TRHDE: variants seen among roughly 807,000 people sequenced by gnomAD.
The protein encoded by TRHDE is thyrotropin-releasing hormone-degrading ectoenzyme.
Under a neutral mutation model 125.7 loss-of-function variants are expected in TRHDE, and 72 were observed. That is an observed-to-expected ratio of 0.57 (90% confidence interval 0.47 to 0.70). The LOEUF (loss-of-function observed/expected upper bound fraction) is 0.70. Ranked by LOEUF, TRHDE falls within the 30% of genes least tolerant of loss-of-function variation. The pLI is 0.00. For synonymous variants in TRHDE, 509 were observed against 509.1 expected, an observed-to-expected ratio of 1.00 and a Z score of 0.00; for missense variants, 1,110 against 1,327.1, an observed-to-expected ratio of 0.84 and a Z score of 2.54.
At chr12:72,490,845 A>T (rs1877641575) in intron 5 of TRHDE, among the ~76,000 whole-genome samples, 1 of 151,454 alleles carries the variant, frequency 6.6e-6, no homozygotes. Context: ...AAATGGGAAG[A>T]TGTAGTTAAG....
At chr12:72,371,739 G>A (rs999596508) in intron 2 of TRHDE, among the ~76,000 whole-genome samples, 8 of 151,872 alleles carry the variant, frequency 5.3e-5, no homozygotes, top group East Asian at 1.9e-4. Flanking sequence ...TTTTATGGCC[G>A]CATAGTATTC....
At chr12:72,637,150 G>A (rs1301990407) in intron 15 of TRHDE, among the ~76,000 whole-genome samples, 2 of 152,028 alleles carry the variant, frequency 1.3e-5, no homozygotes. Context: ...TTTTTGGTTG[G>A]TAAGCTATTG....
At chr12:72,617,793 T>G (rs187700635) in intron 12 of TRHDE, among the ~76,000 whole-genome samples, 6 of 152,300 alleles carry the variant, frequency 3.9e-5, no homozygotes, top group Non-Finnish European at 5.9e-5. Flanking sequence ...TTGCTGCACA[T>G]GCAGTGAAAA....
At chr12:72,478,511 G>A (rs1030659599) in intron 5 of TRHDE, among the ~76,000 whole-genome samples, 1 of 122,166 alleles carries the variant, frequency 8.2e-6, no homozygotes, top group African/African-American at 4.5e-5. Flanking sequence ...AAATATAAAC[G>A]TCTTTTTAAG....
At chr12:72,427,529 C>T (rs1433376300) in intron 3 of TRHDE, among the ~76,000 whole-genome samples, 1 of 151,958 alleles carries the variant, frequency 6.6e-6, no homozygotes, top group Non-Finnish European at 1.5e-5. Flanking sequence ...TATTTGTATC[C>T]CTGGCTTTTG....
chr12:72,605,689 T>C (rs998048178), intron 12 of TRHDE, among the ~76,000 whole-genome samples: 1 of 152,132 alleles, frequency 6.6e-6, no homozygotes, highest in African/African-American at 2.4e-5. Context: ...CTTTAAATCA[T>C]AAAGAATTAG....
In TRHDE at chr12:72,157,011, C is replaced by T. The variant is rs117971793; in HGVS notation, n.279+51259C>T. Among the ~76,000 whole-genome samples the T allele has an allele frequency of 6.6e-4, 100 of 152,154 alleles. 1 individual carries two copies. The East Asian group carries it at 0.017, about 25-fold the overall frequency. Reference sequence around the variant, plus strand: ...ATGGAAGGCCTGTTAAGAGATGACACGTAACTGATATTTCCAAGCAGTGAA... The same window carrying T: ...ATGGAAGGCCTGTTAAGAGATGACATGTAACTGATATTTCCAAGCAGTGAA... On this transcript the variant is annotated intron_variant and non_coding_transcript_variant, in intron 2 of 4. Transcript: ENST00000548156.
intron 2 of TRHDE, among the ~76,000 whole-genome samples, chr12:72,181,680 G>A (rs955808711): frequency 1.2e-4 from 18 of 152,018 alleles, no homozygotes; most frequent in Non-Finnish European, 2.9e-5. Flanking sequence ...GATTTTCATT[G>A]ACTGGAGACT....
chr12:72,112,007 GA>G (rs1196196188), intron 2 of TRHDE, among the ~76,000 whole-genome samples: 2 of 150,872 alleles, frequency 1.3e-5, no homozygotes, highest in African/African-American at 2.4e-5. Context: ...AAAAAATTAA[GA>G]AAAAAAAAGT....
At chr12:72,422,912 G>T (rs1874021237) in intron 3 of TRHDE, among the ~76,000 whole-genome samples, 2 of 151,980 alleles carry the variant, frequency 1.3e-5, no homozygotes, top group Non-Finnish European at 2.9e-5. Flanking sequence ...AATGACCCAA[G>T]ACCTTGATCA....
At chr12:72,189,033 T>C (rs1877286015) in intron 2 of TRHDE, among the ~76,000 whole-genome samples, 1 of 152,216 alleles carries the variant, frequency 6.6e-6, no homozygotes, top group African/African-American at 2.4e-5. Flanking sequence ...AAAATGCATA[T>C]TCACTTAGCT....
In TRHDE at chr12:72,344,769, G is replaced by GC. The variant is rs1326011231; in HGVS notation, c.1189-33224dup. On this transcript the variant is annotated intron_variant, in intron 2 of 18. Transcript: ENST00000261180. ...CTCCACCCCTGAGCTTTGACCTGCT[G>GC]CCAACCCTCTTGTCTTCCTGCTCCT... Among the ~76,000 whole-genome samples the GC allele has an allele frequency of 3.9e-5, 6 of 152,186 alleles. No individual in the cohort carries two copies. In the East Asian group the frequency reaches 1.2e-3, roughly 30 times the overall value.
At chr12:72,613,741 G>C (rs978474608) in intron 12 of TRHDE, among the ~76,000 whole-genome samples, 1 of 152,134 alleles carries the variant, frequency 6.6e-6, no homozygotes, top group Non-Finnish European at 1.5e-5. Context: ...TCAAGTTTGG[G>C]ATCAGGCTTT....
chr12:72,288,106 G>A (rs1398500389), intron 2 of TRHDE, among the ~76,000 whole-genome samples: 1 of 152,060 alleles, frequency 6.6e-6, no homozygotes, highest in African/African-American at 2.4e-5. Flanking sequence ...CTTAGGAACT[G>A]TGTTTCACCA....
At chr12:72,245,887 A>T (rs1878566782) in intron 2 of TRHDE, among the ~76,000 whole-genome samples, 1 of 152,082 alleles carries the variant, frequency 6.6e-6, no homozygotes. Context: ...TATTTAGTCA[A>T]GGTATTTTTT....
intron 12 of TRHDE, among the ~76,000 whole-genome samples, chr12:72,591,884 T>C (rs1871702080): frequency 6.6e-6 from 1 of 152,034 alleles, no homozygotes; most frequent in African/African-American, 2.4e-5. Flanking sequence ...CTGTATGCAA[T>C]TGTATATTTT....
At chr12:72,293,083 G>A (rs1189971892) in intron 2 of TRHDE, among the ~76,000 whole-genome samples, 4 of 152,106 alleles carry the variant, frequency 2.6e-5, no homozygotes, top group African/African-American at 9.7e-5. Flanking sequence ...GATGTTGTGT[G>A]TTTTATGGAA....
At chr12:72,308,505 A>AT (rs2135696662) in intron 2 of TRHDE, among the ~76,000 whole-genome samples, 1 of 152,288 alleles carries the variant, frequency 6.6e-6, no homozygotes, top group South Asian at 2.1e-4. Flanking sequence ...AGCTTGTTAG[A>AT]TAAAATGAGA....
chr12:72,266,298 A>G lies in TRHDE; in HGVS notation n.280-111697A>G, dbSNP rs561638458. 3.9e-5 allele frequency among the ~76,000 whole-genome samples: 6 copies of G among 152,104 alleles called. No individual in the cohort carries two copies. The East Asian group carries it at 7.7e-4, about 20-fold the overall frequency. ...TTCATGGTTTGAGAGGTGAGGCACC[A>G]TTCAAATTATGTAAATTTGCGCTGT... On this transcript the variant is annotated intron_variant and non_coding_transcript_variant, in intron 2 of 4. Coordinates refer to the TRHDE transcript ENST00000548156.
Sources: allele counts gnomAD v4.1 joint callset (sites outside exome capture counted in the v4.1 genomes callset), GRCh38; gene constraint gnomAD v4.1.1; transcripts MANE v1.5; gene names NCBI Gene and HGNC (gene_info 2026-07-23, HGNC 2026-07-21).